The following PDE4B variants were observed in gnomAD, a reference collection of about 807,000 sequenced individuals.
PDE4B encodes the protein 3',5'-cyclic-AMP phosphodiesterase 4B.
Under a neutral mutation model 82.2 loss-of-function variants are expected in PDE4B, and 20 were observed. That is an observed-to-expected ratio of 0.24 (90% CI 0.17 to 0.35). The LOEUF (loss-of-function observed/expected upper bound fraction) is 0.35. Ranked by LOEUF, PDE4B falls within the 10% of genes least tolerant of loss-of-function variation. The pLI is 1.00. For missense variants in PDE4B, 655 were observed against 907.2 expected (o/e 0.72, Z 3.57); for synonymous variants, 320 against 318.9 (o/e 1.00, Z -0.04).
intron 6 of PDE4B, among the ~76,000 whole-genome samples, chr1:66,260,749 C>G (rs1343506209): frequency 1.3e-5 from 2 of 152,128 alleles, no homozygotes; most frequent in African/African-American, 2.4e-5. Context: ...AATAATCAGG[C>G]CTTTCCAAAC....
chr1:65,869,598 A>G (rs918547960), intron 1 of PDE4B, among the ~76,000 whole-genome samples: 10 of 152,196 alleles, frequency 6.6e-5, no homozygotes, highest in African/African-American at 2.4e-4. Flanking sequence ...CTCAATGACA[A>G]GAATAGCATT....
chr1:65,826,804 A>G (rs1570981682), intron 1 of PDE4B, among the ~76,000 whole-genome samples: 1 of 152,296 alleles, frequency 6.6e-6, no homozygotes, highest in African/African-American at 2.4e-5. Context: ...TACACCCCCT[A>G]TTGTGACCCA....
intron 3 of PDE4B, among the ~76,000 whole-genome samples, chr1:66,174,524 G>A (rs1265534037): frequency 2.6e-5 from 4 of 152,164 alleles, no homozygotes; most frequent in South Asian, 2.1e-4. Flanking sequence ...TTAGGAGGCC[G>A]AGGCGGGCGG....
At chr1:66,044,979 A>C (rs1654607848) in intron 3 of PDE4B, among the ~76,000 whole-genome samples, 1 of 151,742 alleles carries the variant, frequency 6.6e-6, no homozygotes, top group Non-Finnish European at 1.5e-5. Context: ...ATTTATTGTA[A>C]TAATGACATA....
intron 1 of PDE4B, among the ~76,000 whole-genome samples, chr1:65,822,618 G>T (rs1424641092): frequency 6.6e-6 from 1 of 152,122 alleles, no homozygotes; most frequent in Non-Finnish European, 1.5e-5. Flanking sequence ...GGTCATGAGG[G>T]CTCTGCCGTC....
intron 3 of PDE4B, among the ~76,000 whole-genome samples, chr1:66,056,486 A>G (rs200768324): frequency 1.8e-5 from 1 of 55,566 alleles, no homozygotes; most frequent in East Asian, 3.8e-4. Context: ...TCTATCTATC[A>G]TCTATCTATC....
intron 7 of PDE4B, among the ~76,000 whole-genome samples, chr1:66,300,855 T>C (rs1464379255): frequency 2.0e-5 from 3 of 152,174 alleles, no homozygotes; most frequent in Non-Finnish European, 4.4e-5. Flanking sequence ...AAGTCTATTC[T>C]TCATAGATGG....
chr1:66,036,324 T>G (rs1365210435), intron 3 of PDE4B, among the ~76,000 whole-genome samples: 1 of 152,208 alleles, frequency 6.6e-6, no homozygotes, highest in Non-Finnish European at 1.5e-5. Context: ...GTTTTTTGGT[T>G]TGATGCAATC....
At chr1:65,870,992 A>G (rs1342010741) in intron 1 of PDE4B, among the ~76,000 whole-genome samples, 2 of 152,178 alleles carry the variant, frequency 1.3e-5, no homozygotes, top group South Asian at 2.1e-4. Context: ...ACTGAAGTCT[A>G]AGGGCAGCAC....
At chr1:66,210,616 A>AG (rs1649961494) in intron 3 of PDE4B, among the ~76,000 whole-genome samples, 1 of 147,962 alleles carries the variant, frequency 6.8e-6, no homozygotes, top group Non-Finnish European at 1.5e-5. Flanking sequence ...AAAAAAAAAA[A>AG]AAAGAAAAAG....
At chr1:66,114,104 A>C (rs925471370) in intron 3 of PDE4B, among the ~76,000 whole-genome samples, 7 of 152,188 alleles carry the variant, frequency 4.6e-5, no homozygotes, top group African/African-American at 1.4e-4. Flanking sequence ...TCATGTCCTT[A>C]TAAAAGAGGC....
chr1:65,941,500 A>G (rs184330097), intron 3 of PDE4B, among the ~76,000 whole-genome samples: 27 of 152,120 alleles, frequency 1.8e-4, no homozygotes, highest in African/African-American at 6.3e-4. Context: ...TGGCACCAGC[A>G]AGGTGTCCTT....
At chr1:66,101,085 G>T (rs1645214059) in intron 3 of PDE4B, among the ~76,000 whole-genome samples, 1 of 152,064 alleles carries the variant, frequency 6.6e-6, no homozygotes, top group African/African-American at 2.4e-5. Context: ...TGCGGTGTTT[G>T]ATTTTTTGTC....
chr1:66,341,584 G>T (rs1203953207), intron 8 of PDE4B, among the ~76,000 whole-genome samples: 10 of 152,126 alleles, frequency 6.6e-5, no homozygotes, highest in Non-Finnish European at 1.5e-4. Context: ...AATTTTTGAG[G>T]CTTTTGATTG....
At chr1:66,369,698 TC>T (rs1269053226) in intron 16 of PDE4B, among the ~76,000 whole-genome samples, 2 of 151,786 alleles carry the variant, frequency 1.3e-5, no homozygotes, top group East Asian at 3.9e-4. Context: ...AAGATCTTTA[TC>T]CCAAAAACAT....
intron 3 of PDE4B, among the ~76,000 whole-genome samples, chr1:66,145,427 T>C (rs1160152250): frequency 6.6e-6 from 1 of 152,218 alleles, no homozygotes; most frequent in Admixed American, 6.5e-5. Flanking sequence ...GCAAGGCTAC[T>C]ATTTCTCTGC....
intron 3 of PDE4B, among the ~76,000 whole-genome samples, chr1:66,026,489 T>C (rs1653440243): frequency 6.6e-6 from 1 of 152,222 alleles, no homozygotes; most frequent in African/African-American, 2.4e-5. Flanking sequence ...TTCTGCTACC[T>C]ATGGTAACAG....
At chr1:66,236,400 ACTTAT>A (rs1182700017) in intron 3 of PDE4B, among the ~76,000 whole-genome samples, 5 of 152,072 alleles carry the variant, frequency 3.3e-5, no homozygotes, top group African/African-American at 1.2e-4. Flanking sequence ...CTTTTCAATC[ACTTAT>A]CTTTTAAAGA....
chr1:65,967,346 C>A (rs921739576), intron 3 of PDE4B, among the ~76,000 whole-genome samples: 1 of 152,178 alleles, frequency 6.6e-6, no homozygotes, highest in Non-Finnish European at 1.5e-5. Context: ...TACCATCTCA[C>A]ACCAGTTAGA....
Sources: allele counts gnomAD v4.1 joint callset (sites outside exome capture counted in the v4.1 genomes callset), GRCh38; gene constraint gnomAD v4.1.1; transcripts MANE v1.5; gene names NCBI Gene and HGNC (gene_info 2026-07-23, HGNC 2026-07-21).